DOCK1: variants seen among roughly 807,000 people sequenced by gnomAD.
DOCK1 encodes dedicator of cytokinesis 1.
DOCK1 carries 138 observed loss-of-function variants against 262.7 expected under a neutral mutation model. That is an observed-to-expected ratio of 0.53 (90% CI 0.46 to 0.61). The LOEUF is 0.61. Among genes scored for constraint, DOCK1 ranks in the 20% least tolerant of loss-of-function variants. The pLI is 0.00. For synonymous variants in DOCK1, 866 were observed against 867.4 expected (o/e 1.00, Z 0.03); for missense variants, 1,908 against 2,370.7 (o/e 0.80, Z 4.05).
rs148807727 is a variant in DOCK1, at chr10:127,178,809, G to A, written c.2847+51045G>A. Among the ~76,000 whole-genome samples the A allele has an allele frequency of 5.1e-3, 783 of 152,296 alleles. 5 individuals carry two copies. The highest frequency in any genetic ancestry group is 0.017 in the African/African-American group (726 of 41,554). On this transcript the variant is annotated intron_variant, in intron 27 of 51. Coordinates refer to ENST00000623213, the MANE Select transcript of DOCK1 (RefSeq NM_001290223.2). Reference sequence around the variant, plus strand: ...TGATAGGTGGAAGGAGGGACAAGGCGTGCCTGCTCAGGAGAAAGCATCGAT... The same window carrying A: ...TGATAGGTGGAAGGAGGGACAAGGCATGCCTGCTCAGGAGAAAGCATCGAT...
chr10:127,173,600 C>G (rs942726346), intron 27 of DOCK1, among the ~76,000 whole-genome samples: 1 of 152,082 alleles, frequency 6.6e-6, no homozygotes, highest in Non-Finnish European at 1.5e-5. Context: ...TTTATTTCAC[C>G]AAAGATGTTG....
intron 29 of DOCK1, among the ~76,000 whole-genome samples, chr10:127,321,996 G>A (rs1035871788): frequency 3.3e-5 from 5 of 151,814 alleles, no homozygotes; most frequent in Non-Finnish European, 5.9e-5. Flanking sequence ...CCAGTTACTT[G>A]GGAGGCTGAG....
At chr10:127,435,259 G>T (rs2069603361) in intron 48 of DOCK1, among the ~76,000 whole-genome samples, 1 of 152,120 alleles carries the variant, frequency 6.6e-6, no homozygotes, top group South Asian at 2.1e-4. Context: ...TTGTACAGTT[G>T]TTTGTGTGTC....
chr10:127,415,354 C>G, intron 44 of DOCK1, 116 bp downstream of exon 44: 3 of 955,114 alleles, frequency 3.1e-6, no homozygotes, highest in Admixed American at 2.4e-5. Flanking sequence ...ACACAGCAGA[C>G]TCTACAGTTC....
intron 1 of DOCK1, among the ~76,000 whole-genome samples, chr10:126,948,878 G>C: frequency 6.6e-6 from 1 of 152,218 alleles, no homozygotes; most frequent in Non-Finnish European, 1.5e-5. Context: ...GCTGGGCCTG[G>C]CCCAGGGTAG....
intron 27 of DOCK1, among the ~76,000 whole-genome samples, chr10:127,145,651 C>CGTCT (rs1291390978): frequency 2.0e-5 from 3 of 152,096 alleles, no homozygotes; most frequent in Non-Finnish European, 4.4e-5. Context: ...GATGGGAGTG[C>CGTCT]GTCTGTCTAG....
At chr10:126,923,659 T>C (rs1481459764) in intron 1 of DOCK1, among the ~76,000 whole-genome samples, 1 of 152,066 alleles carries the variant, frequency 6.6e-6, no homozygotes, top group African/African-American at 2.4e-5. Flanking sequence ...TCCTAGGCAT[T>C]CTCCAAGCAA....
intron 2 of DOCK1, among the ~76,000 whole-genome samples, chr10:126,975,162 ACT>A (rs1565021452): frequency 6.6e-6 from 1 of 151,860 alleles, no homozygotes; most frequent in African/African-American, 2.4e-5. Flanking sequence ...TTTAAAATGC[ACT>A]GTGTTCTCTG....
intron 21 of DOCK1, among the ~76,000 whole-genome samples, chr10:127,046,216 G>A (rs1314535594): frequency 6.6e-6 from 1 of 152,180 alleles, no homozygotes; most frequent in Non-Finnish European, 1.5e-5. Context: ...GTAAAACTGA[G>A]TGAAGCAGGC....
intron 24 of DOCK1, among the ~76,000 whole-genome samples, chr10:127,107,394 T>C (rs952087576): frequency 1.3e-5 from 2 of 152,104 alleles, no homozygotes; most frequent in African/African-American, 4.8e-5. Flanking sequence ...GGAGGCGCTG[T>C]CCCCCACGAA....
At chr10:127,130,635 T>A (rs746056371) in intron 27 of DOCK1, among the ~76,000 whole-genome samples, 24 of 152,180 alleles carry the variant, frequency 1.6e-4, no homozygotes, top group Non-Finnish European at 2.8e-4. Context: ...TCAGGCATGA[T>A]AATAAGTGTG....
At chr10:127,134,849 C>A (rs1357541944) in intron 27 of DOCK1, among the ~76,000 whole-genome samples, 1 of 152,146 alleles carries the variant, frequency 6.6e-6, no homozygotes, top group African/African-American at 2.4e-5. Flanking sequence ...GCATTGTGGC[C>A]TCTCCTCTCC....
Position 126,995,674 on chromosome 10 carries a change from T to TGGAGAG in DOCK1, c.474-1056_474-1051dup, listed in dbSNP as rs145111153. 1.1e-5 allele frequency among the ~76,000 whole-genome samples: 1 copy of TGGAGAG among 95,050 alleles called. No homozygotes were observed. Among genetic ancestry groups the TGGAGAG allele is most frequent in the East Asian group, 3.0e-4 (1 of 3,286 alleles). The allele number at this position is 95,050 out of a possible 152,430, so 62.4% of individuals were successfully genotyped here. A position where few individuals can be genotyped will look rare whatever the true frequency, so the allele number is the denominator to read the frequency against. ...ACCGTGGAGAGGGAGAGGGAGACCG[T>TGGAGAG]GGAGAGGGAGAGGGAGAGGGAGAAT... On this transcript the variant is annotated intron_variant, in intron 6 of 51. Coordinates refer to ENST00000623213, the MANE Select transcript of DOCK1 (RefSeq NM_001290223.2). This position sits in a 1 kb window ranked among gnomAD's most constrained non-coding sequence, Gnocchi z 5.8.
At chr10:127,146,659 T>G (rs943230185) in intron 27 of DOCK1, among the ~76,000 whole-genome samples, 6 of 152,118 alleles carry the variant, frequency 3.9e-5, no homozygotes, top group Non-Finnish European at 7.3e-5. Context: ...CACTAAACAT[T>G]AGGCAAAAGG....
At chr10:127,402,540 T>C (rs2067280768) in intron 38 of DOCK1, among the ~76,000 whole-genome samples, 1 of 152,232 alleles carries the variant, frequency 6.6e-6, no homozygotes, top group South Asian at 2.1e-4. Flanking sequence ...TACATCAAAC[T>C]TTCTGCAAGC....
At chr10:126,971,924 T>G (rs1234486590) in intron 2 of DOCK1, among the ~76,000 whole-genome samples, 1 of 152,144 alleles carries the variant, frequency 6.6e-6, no homozygotes, top group Non-Finnish European at 1.5e-5. Context: ...TATTTTTTTT[T>G]GTTTTTTTTG....
intron 1 of DOCK1, among the ~76,000 whole-genome samples, chr10:126,925,721 AGTCTGTGTGT>A (rs1454145731): frequency 2.5e-5 from 3 of 122,254 alleles, no homozygotes; most frequent in Non-Finnish European, 5.0e-5. Flanking sequence ...CACATTGCAG[AGTCTGTGTGT>A]GTGTGTGTGT....
chr10:126,909,417 T>C (rs960258027), intron 1 of DOCK1, among the ~76,000 whole-genome samples: 6 of 152,144 alleles, frequency 3.9e-5, no homozygotes, highest in Admixed American at 1.3e-4. Context: ...AATACATTTG[T>C]GTGGTTTTAA....
chr10:127,199,076 A>G (rs2057342849), intron 27 of DOCK1, among the ~76,000 whole-genome samples: 1 of 152,084 alleles, frequency 6.6e-6, no homozygotes, highest in Non-Finnish European at 1.5e-5. Context: ...AAAAAGTGAA[A>G]CTTGATAGAT....
Sources: allele counts gnomAD v4.1 joint callset (sites outside exome capture counted in the v4.1 genomes callset), GRCh38; gene constraint gnomAD v4.1.1; non-coding constraint Gnocchi (gnomAD v3.1); transcripts MANE v1.5; gene names NCBI Gene and HGNC (gene_info 2026-07-23, HGNC 2026-07-21).